Variants in TRAPPC9 observed in about 807,000 individuals in gnomAD.
TRAPPC9 encodes IKK2 binding protein.
In TRAPPC9, 83 loss-of-function variants were observed where a neutral mutation model predicts 124.0. The ratio of observed to expected loss-of-function variants is 0.67; its 90% confidence interval spans 0.56 to 0.80. TRAPPC9 has a LOEUF of 0.80. Ranked by LOEUF, TRAPPC9 falls within the 30% of genes least tolerant of loss-of-function variation. The probability of loss-of-function intolerance (pLI) is 0.00; values close to 1 mark genes in which losing one functional copy is unlikely to be tolerated. For synonymous variants in TRAPPC9, 638 were observed against 617.5 expected, an observed-to-expected ratio of 1.03 and a Z score of -0.49; for missense variants, 1,302 against 1,508.3, an observed-to-expected ratio of 0.86 and a Z score of 2.27.
At chr8:139,831,786 G>A (rs145491606) in intron 21 of TRAPPC9, among the ~76,000 whole-genome samples, 1 of 152,320 alleles carries the variant, frequency 6.6e-6, no homozygotes, top group African/African-American at 2.4e-5. Context: ...ATTTAGAGAG[G>A]GGAATGGAGG....
At chr8:140,002,709 C>A (rs1838479519) in intron 18 of TRAPPC9, among the ~76,000 whole-genome samples, 1 of 151,960 alleles carries the variant, frequency 6.6e-6, no homozygotes, top group Admixed American at 6.6e-5. Flanking sequence ...ACATAGTTCT[C>A]TGGAGCAGAA....
intron 15 of TRAPPC9, among the ~76,000 whole-genome samples, chr8:140,265,996 C>T (rs1035979145): frequency 6.6e-6 from 1 of 152,138 alleles, no homozygotes; most frequent in Non-Finnish European, 1.5e-5. Flanking sequence ...TTTATGTATA[C>T]AGGTATGTAT....
chr8:140,123,139 T>C (rs1480576012), intron 17 of TRAPPC9, among the ~76,000 whole-genome samples: 1 of 151,974 alleles, frequency 6.6e-6, no homozygotes, highest in Non-Finnish European at 1.5e-5. Flanking sequence ...CTTCCAGGCT[T>C]CCCCATCTCA....
At chr8:140,049,491 C>T (rs1256999568) in intron 17 of TRAPPC9, among the ~76,000 whole-genome samples, 3 of 152,014 alleles carry the variant, frequency 2.0e-5, no homozygotes, top group Non-Finnish European at 2.9e-5. Context: ...AGCCGGCCCT[C>T]GGTGATGTGT....
intron 21 of TRAPPC9, among the ~76,000 whole-genome samples, chr8:139,880,225 C>A (rs1829593370): frequency 6.6e-6 from 1 of 152,148 alleles, no homozygotes; most frequent in Admixed American, 6.5e-5. Flanking sequence ...AGTCAGGGAC[C>A]AACCCAGGTG....
At chr8:140,044,662 G>A (rs899666404) in intron 17 of TRAPPC9, among the ~76,000 whole-genome samples, 2 of 152,230 alleles carry the variant, frequency 1.3e-5, no homozygotes, top group Non-Finnish European at 1.5e-5. Flanking sequence ...CATAAATGAC[G>A]AAAGCAACAC....
intron 18 of TRAPPC9, among the ~76,000 whole-genome samples, chr8:140,021,817 A>C (rs2131908113): frequency 6.6e-6 from 1 of 152,332 alleles, no homozygotes; most frequent in East Asian, 1.9e-4. Flanking sequence ...ACTCAGAAAA[A>C]TTTTACAAAA....
intron 21 of TRAPPC9, among the ~76,000 whole-genome samples, chr8:139,751,367 G>C (rs1242865273): frequency 1.3e-5 from 2 of 152,178 alleles, no homozygotes. Context: ...AAGTAAGCCT[G>C]GCCCTTTCAG....
chr8:139,969,428 G>A (rs1209597403), intron 19 of TRAPPC9, among the ~76,000 whole-genome samples: 1 of 152,256 alleles, frequency 6.6e-6, no homozygotes, highest in Non-Finnish European at 1.5e-5. Context: ...GAATGGCCAA[G>A]CAAGGCAGGT....
At chr8:140,374,973 A>G (rs1012298349) in intron 7 of TRAPPC9, among the ~76,000 whole-genome samples, 3 of 152,228 alleles carry the variant, frequency 2.0e-5, no homozygotes, top group Non-Finnish European at 4.4e-5. Flanking sequence ...AATTGACATC[A>G]CTTTAAAGCC....
chr8:140,320,030 T>G (rs182207200), intron 9 of TRAPPC9, among the ~76,000 whole-genome samples: 1 of 152,242 alleles, frequency 6.6e-6, no homozygotes, highest in East Asian at 1.9e-4. Flanking sequence ...AAGTACATCT[T>G]TTTTTTCTAA....
intron 9 of TRAPPC9, among the ~76,000 whole-genome samples, chr8:140,332,554 G>A (rs184483548): frequency 4.5e-4 from 68 of 152,070 alleles, no homozygotes; most frequent in East Asian, 1.4e-3. Context: ...CATGATATAC[G>A]TGTATCAAAA....
At chr8:140,136,833 C>T (rs1317550584) in intron 17 of TRAPPC9, among the ~76,000 whole-genome samples, 1 of 152,074 alleles carries the variant, frequency 6.6e-6, no homozygotes, top group Non-Finnish European at 1.5e-5. Context: ...GGGTACAGCC[C>T]GAGCGGACAG....
intron 17 of TRAPPC9, among the ~76,000 whole-genome samples, chr8:140,219,418 G>T (rs1448093404): frequency 1.3e-5 from 2 of 152,158 alleles, no homozygotes; most frequent in Non-Finnish European, 2.9e-5. Flanking sequence ...CCGCATACCA[G>T]TGTAACTACC....
chr8:140,251,851 A>G (rs77717011), intron 16 of TRAPPC9, among the ~76,000 whole-genome samples: 2,106 of 152,218 alleles, frequency 0.014, 27 homozygotes, highest in African/African-American at 0.031. Context: ...CCAGAAAATC[A>G]CCACGGCTGA....
chr8:140,362,525 TA>T (rs376070420), intron 8 of TRAPPC9, among the ~76,000 whole-genome samples: 9 of 150,362 alleles, frequency 6.0e-5, no homozygotes, highest in African/African-American at 1.7e-4. Flanking sequence ...TACACACACT[TA>T]AAAAAAAATA....
intron 19 of TRAPPC9, among the ~76,000 whole-genome samples, chr8:139,938,204 C>A (rs189326841): frequency 1.3e-5 from 2 of 152,312 alleles, no homozygotes; most frequent in East Asian, 3.9e-4. Context: ...ACAAAGCTGC[C>A]CCACCTGTGT....
At chr8:140,387,742 C>T (rs1588262647) in intron 7 of TRAPPC9, among the ~76,000 whole-genome samples, 2 of 151,992 alleles carry the variant, frequency 1.3e-5, no homozygotes, top group Non-Finnish European at 1.5e-5. Context: ...CTGGAGAGGA[C>T]GTGGAGAATA....
At chr8:140,159,116 C>T (rs79927817) in intron 17 of TRAPPC9, among the ~76,000 whole-genome samples, 4,589 of 152,278 alleles carry the variant, frequency 0.03, 215 homozygotes, top group African/African-American at 0.1. Context: ...TCCTGCTGCC[C>T]ACAACACAGT....
Sources: allele counts gnomAD v4.1 joint callset (sites outside exome capture counted in the v4.1 genomes callset), GRCh38; gene constraint gnomAD v4.1.1; transcripts MANE v1.5; gene names NCBI Gene and HGNC (gene_info 2026-07-23, HGNC 2026-07-21).